GNB5: variants seen among roughly 807,000 people sequenced by gnomAD.
The protein encoded by GNB5 is guanine nucleotide-binding protein subunit beta-5.
Under a neutral mutation model 55.3 loss-of-function variants are expected in GNB5, and 37 were observed. The observed-to-expected ratio is 0.67, with a 90% confidence interval of 0.51 to 0.88. The LOEUF is 0.88. Ranked by LOEUF, GNB5 falls within the 40% of genes least tolerant of loss-of-function variation. The pLI is 0.00. For synonymous variants in GNB5, 219 were observed against 198.5 expected, an observed-to-expected ratio of 1.10 and a Z score of -0.87; for missense variants, 476 against 515.3, an observed-to-expected ratio of 0.92 and a Z score of 0.74.
In GNB5 at chr15:52,149,923, A is replaced by G; in HGVS notation, c.378T>C (p.Asp126=). The G allele has an allele frequency of 6.2e-7, 1 of 1,610,140 alleles. No individual in the cohort carries two copies. The highest frequency in any genetic ancestry group is 8.5e-7 in the Non-Finnish European group (1 of 1,176,372). ...AGGAATCCCACACGATCACCTTCCCATCCTGGAGGGAGAAGAGCAAACAGT... is the reference window on the plus strand; with the variant it reads ...AGGAATCCCACACGATCACCTTCCCGTCCTGGAGGGAGAAGAGCAAACAGT... ...DKRRIVSSSQ[D]GKVIVWDSFT... Residue 126 remains aspartate (D), a splice_region_variant and synonymous_variant, in exon 5 of 13, where the codon GAT becomes GAC. Coordinates refer to ENST00000261837, the MANE Select transcript of GNB5 (RefSeq NM_016194.4).
intron 1 of GNB5, among the ~76,000 whole-genome samples, chr15:52,186,332 TG>T (rs1308728573): frequency 6.6e-6 from 1 of 152,222 alleles, no homozygotes; most frequent in Non-Finnish European, 1.5e-5. Context: ...TACTTGGGTC[TG>T]GGCCTTCCAG....
rs375085878 is a variant in GNB5 at position 52,184,618 on chromosome 15, T to C, written c.59A>G (p.Gln20Arg). Reference sequence around the variant, plus strand: ...CTTGAAAACTGGTCTCAGAGCTCGTTGTTTGAAACATTTGTCACATGAGCC... The same window carrying C: ...CTTGAAAACTGGTCTCAGAGCTCGTCGTTTGAAACATTTGTCACATGAGCC... ...VFGSCDKCFK[Q>R]RALRPVFKKS... Residue 20 changes from glutamine to arginine, a missense_variant, in exon 2 of 13, where the codon CAA (glutamine) becomes CGA (arginine). Transcript: ENST00000261837. 3.2e-5 allele frequency: 52 copies of C among 1,613,270 alleles called. No individual in the cohort carries two copies. The Middle Eastern group carries it at 4.9e-4, about 15-fold the overall frequency.
rs1413612548 is a variant in GNB5, at chr15:52,149,934, A to T, written c.376-9T>A. The T allele has an allele frequency of 6.2e-7, 1 of 1,606,150 alleles. No individual in the cohort carries two copies. The highest frequency in any genetic ancestry group is 8.5e-7 in the Non-Finnish European group (1 of 1,172,792). ...ACGATCACCTTCCCATCCTGGAGGG[A>T]GAAGAGCAAACAGTTTAGGGGTTGT... On this transcript the variant is annotated splice_polypyrimidine_tract_variant and intron_variant, in intron 4 of 12. Coordinates refer to ENST00000261837, the MANE Select transcript of GNB5 (RefSeq NM_016194.4).
intron 1 of GNB5, among the ~76,000 whole-genome samples, chr15:52,185,748 A>G (rs2034834768): frequency 9.3e-6 from 1 of 107,412 alleles, no homozygotes; most frequent in Non-Finnish European, 1.9e-5. Context: ...CTGTGTATTC[A>G]TCTTTTTATT....
intron 1 of GNB5, among the ~76,000 whole-genome samples, chr15:52,187,261 C>T (rs2034858618): frequency 6.6e-6 from 1 of 152,152 alleles, no homozygotes; most frequent in Admixed American, 6.5e-5. Context: ...GCTGAACACT[C>T]CCAGTAATAG....
intron 3 of GNB5, 49 bp downstream of exon 3, chr15:52,179,719 G>A (rs1357495648): frequency 4.6e-6 from 4 of 863,368 alleles, no homozygotes; most frequent in Non-Finnish European, 4.8e-6. Context: ...CGCCCGGGAA[G>A]TGGCGAGCCG....
chr15:52,156,467 C>T (rs776778007), intron 3 of GNB5, among the ~76,000 whole-genome samples: 7 of 152,244 alleles, frequency 4.6e-5, no homozygotes, highest in Non-Finnish European at 1.0e-4. Flanking sequence ...CACAGTGGCT[C>T]ACGCCTGTAA....
rs781644037 is a variant in GNB5 at position 52,179,838 on chromosome 15, C to T, written c.168G>A (p.Ser56=). 4 of 1,553,752 alleles carry T rather than the reference C, an allele frequency of 2.6e-6. No homozygotes were observed. The highest frequency in any genetic ancestry group is 3.5e-6 in the Non-Finnish European group (4 of 1,151,266). Residue 56 remains serine (S), a synonymous_variant, in exon 3 of 13, where the codon TCG becomes TCA. Transcript: ENST00000261837. ...TGAGGCTCTCGGCCTCGCTCTTCAGCGACGCCAGCGTCTCGTTCTCGTGCA... is the reference window on the plus strand; with the variant it reads ...TGAGGCTCTCGGCCTCGCTCTTCAGTGACGCCAGCGTCTCGTTCTCGTGCA... ...EGLHENETLA[S]LKSEAESLKG... is the part of the protein sequence containing the mutation.
chr15:52,138,039 G>C (rs953810130), intron 7 of GNB5: 1 of 968,190 alleles, frequency 1.0e-6, no homozygotes, highest in African/African-American at 1.7e-5. Flanking sequence ...CTGCTGATGG[G>C]ATCTCTCCTC....
chr15:52,120,717 G>A lies in GNB5; in HGVS notation c.*2040C>T, dbSNP rs1460992368. On this transcript the variant is annotated 3_prime_UTR_variant, in exon 13 of 13. Transcript: ENST00000261837. ...CCACTGTGGGACATTCTGGAGCAGA[G>A]CTCAGGAATCCCATGGTGCCCTGAC... The A allele has an allele frequency of 3.9e-5, 6 of 152,212 alleles. No homozygotes were observed. The highest frequency in any genetic ancestry group is 1.3e-4 in the Admixed American group (2 of 15,286). 9.4% of individuals were successfully genotyped at this position (152,212 alleles called of 1,614,324 possible). A position where few individuals can be genotyped will look rare whatever the true frequency, so the allele number is the denominator to read the frequency against.
At chr15:52,161,046 C>T (rs1315845196) in intron 3 of GNB5, among the ~76,000 whole-genome samples, 1 of 152,152 alleles carries the variant, frequency 6.6e-6, no homozygotes, top group African/African-American at 2.4e-5. Context: ...GGGTGACGGG[C>T]ACTGGGCTGA....
In GNB5 at chr15:52,119,527, AG is replaced by A. The variant is rs1269402633; in HGVS notation, c.*3229del. The A allele has an allele frequency of 3.8e-5, 4 of 105,596 alleles. No individual in the cohort carries two copies. The highest frequency in any genetic ancestry group is 1.5e-4 in the African/African-American group (4 of 26,250). 6.5% of individuals were successfully genotyped at this position (105,596 alleles called of 1,614,324 possible). On this transcript the variant is annotated 3_prime_UTR_variant, in exon 13 of 13. Transcript: ENST00000261837. Reference sequence around the variant, plus strand: ...AGGAGGAGGGGAAGGGAAGAGAAAGAGGGAAGATAGGTGGAGGGAGAAGGGA... The same window carrying A: ...AGGAGGAGGGGAAGGGAAGAGAAAGAGGAAGATAGGTGGAGGGAGAAGGGA...
intron 6 of GNB5, among the ~76,000 whole-genome samples, chr15:52,143,556 C>T (rs2033905756): frequency 6.6e-6 from 1 of 152,140 alleles, no homozygotes; most frequent in African/African-American, 2.4e-5. Context: ...TATATATAAC[C>T]AATTGACACA....
chr15:52,127,629 CAT>C (rs1480900681), intron 10 of GNB5, among the ~76,000 whole-genome samples: 1 of 151,650 alleles, frequency 6.6e-6, no homozygotes, highest in Non-Finnish European at 1.5e-5. Flanking sequence ...GAATGAAAAC[CAT>C]TACTTCATAA....
At chr15:52,187,482 C>T (rs1184334365) in intron 1 of GNB5, among the ~76,000 whole-genome samples, 2 of 151,894 alleles carry the variant, frequency 1.3e-5, no homozygotes, top group Admixed American at 1.3e-4. Context: ...CGAGAGGAAC[C>T]TATGGCACCA....
intron 1 of GNB5, among the ~76,000 whole-genome samples, chr15:52,186,305 G>A (rs1296516784): frequency 6.6e-6 from 1 of 152,196 alleles, no homozygotes; most frequent in Non-Finnish European, 1.5e-5. Context: ...AGGCCAAACA[G>A]AGATAATGTC....
chr15:52,172,545 A>G (rs747387673), intron 3 of GNB5, among the ~76,000 whole-genome samples: 1 of 151,748 alleles, frequency 6.6e-6, no homozygotes, highest in Non-Finnish European at 1.5e-5. Flanking sequence ...TTTGGGAGGC[A>G]GAGGTAGGTG....
intron 11 of GNB5, 116 bp from the exon 12 acceptor site, chr15:52,124,755 C>T: frequency 1.2e-6 from 1 of 856,388 alleles, no homozygotes. Context: ...GAGTCCTAGG[C>T]ACTGTGCTTT....
At position 52,125,666 on chromosome 15, in the gene GNB5, T is replaced by C. The variant is rs76722618; in HGVS notation, c.1009+282A>G. 1,254 of 273,544 alleles carry C rather than the reference T, an allele frequency of 4.6e-3. 28 individuals carry two copies. The highest frequency in any genetic ancestry group is 0.026 in the Admixed American group (530 of 20,052). 16.9% of individuals were successfully genotyped at this position (273,544 alleles called of 1,614,324 possible). On this transcript the variant is annotated intron_variant, in intron 11 of 12. Transcript: ENST00000261837. The stretch of plus-strand genomic sequence containing the variant: ...AAGCAAAGGCTGGGGAGAAAATGCC[T>C]GAGAGCATTGTGGAAGTGAATTTCT...
Sources: gnomAD v4.1 joint callset for allele counts (sites outside exome capture counted in the v4.1 genomes callset) on GRCh38, gnomAD v4.1.1 for gene constraint, MANE v1.5 for transcripts, NCBI Gene and HGNC (gene_info 2026-07-23, HGNC 2026-07-21) for gene names.